The following AGTPBP1 variants were observed in gnomAD, a reference collection of about 807,000 sequenced individuals.
AGTPBP1 encodes cytosolic carboxypeptidase 1.
In AGTPBP1, 70 loss-of-function variants were observed where a neutral mutation model predicts 143.9. The observed-to-expected ratio is 0.49, with a 90% CI of 0.40 to 0.59. The LOEUF (loss-of-function observed/expected upper bound fraction) is 0.59. Among genes scored for constraint, AGTPBP1 ranks in the 20% least tolerant of loss-of-function variants. AGTPBP1 has a pLI of 0.00. For missense variants in AGTPBP1, 1,229 were observed against 1,464.5 expected (o/e 0.84, Z 2.62); for synonymous variants, 463 against 500.2 (o/e 0.93, Z 0.99).
At chr9:85,741,956 T>G (rs1355485734), upstream of AGTPBP1, 11 of 1,260,430 alleles carry the variant, frequency 8.7e-6, no homozygotes, top group African/African-American at 7.8e-5. Flanking sequence ...GCGGAACCTG[T>G]CCGCATCCCG....
intron 1 of AGTPBP1, among the ~76,000 whole-genome samples, chr9:85,721,141 C>T (rs982585007): frequency 4.6e-5 from 7 of 152,110 alleles, no homozygotes; most frequent in Admixed American, 6.6e-5. Context: ...ATGTATATTC[C>T]GTTGATTTGG....
the AGTPBP1 span, among the ~76,000 whole-genome samples, chr9:85,800,807 T>TG: frequency 1.4e-5 from 2 of 144,606 alleles, no homozygotes; most frequent in South Asian, 2.3e-4. Context: ...TTTAGAATGG[T>TG]TGTGTGTGTG....
the AGTPBP1 span, among the ~76,000 whole-genome samples, chr9:85,790,220 T>C: frequency 1.3e-5 from 2 of 152,188 alleles, no homozygotes; most frequent in African/African-American, 4.8e-5. Flanking sequence ...GCATTGGGCA[T>C]GTAGTACTTT....
chr9:85,596,597 G>T, intron 17 of AGTPBP1, 148 bp from the exon 18 acceptor site: 1 of 551,812 alleles, frequency 1.8e-6, no homozygotes, highest in East Asian at 3.0e-5. Context: ...AAAATCTGAT[G>T]CATTTCTTAA....
chr9:85,762,039 G>A, the AGTPBP1 span, among the ~76,000 whole-genome samples: 6 of 152,022 alleles, frequency 3.9e-5, no homozygotes, highest in African/African-American at 7.3e-5. Flanking sequence ...ATCACTGGTC[G>A]TCAGAGAAAT....
chr9:85,711,031 T>C (rs968925889), intron 2 of AGTPBP1, among the ~76,000 whole-genome samples: 1 of 152,222 alleles, frequency 6.6e-6, no homozygotes, highest in Admixed American at 6.5e-5. Context: ...GAATAAATCT[T>C]ATCTAAACAG....
chr9:85,609,302 T>G (rs1830173048), intron 17 of AGTPBP1, among the ~76,000 whole-genome samples: 1 of 151,668 alleles, frequency 6.6e-6, no homozygotes, highest in Non-Finnish European at 1.5e-5. Flanking sequence ...TTTTTTTTTT[T>G]TTTTTGAGAT....
chr9:85,671,116 C>CT (rs759666236), intron 7 of AGTPBP1, among the ~76,000 whole-genome samples: 2,653 of 144,028 alleles, frequency 0.018, 40 homozygotes, highest in Non-Finnish European at 0.029. Context: ...CAATTTTTTC[C>CT]TTTTTTTTTT....
intron 13 of AGTPBP1, among the ~76,000 whole-genome samples, chr9:85,639,590 T>C (rs1218131445): frequency 6.6e-6 from 1 of 152,234 alleles, no homozygotes; most frequent in Non-Finnish European, 1.5e-5. Context: ...AAGGACTACC[T>C]ATATAAAACT....
At chr9:85,750,279 C>T in the AGTPBP1 span, among the ~76,000 whole-genome samples, 23 of 152,166 alleles carry the variant, frequency 1.5e-4, no homozygotes, top group South Asian at 2.1e-4. Flanking sequence ...CTAGGGCTAT[C>T]ACAGGGGCTA....
Position 85,599,845 on chromosome 9 carries a change from A to C in AGTPBP1, c.2336-3396T>G, listed in dbSNP as rs1021727165. On this transcript the variant is annotated intron_variant, in intron 17 of 25. Coordinates refer to ENST00000357081, the MANE Select transcript of AGTPBP1 (RefSeq NM_001330701.2). ...TCCAGTGCTATAGATGAACAGTCCA[A>C]TACTAGTTTAATTTTTTAAATATGC... Among the ~76,000 whole-genome samples, 3 of 152,232 alleles carry C rather than the reference A, an allele frequency of 2.0e-5. No individual in the cohort carries two copies. In the East Asian group the frequency reaches 5.8e-4, roughly 29 times the overall value.
At chr9:85,615,231 CTAATT>C (rs1157222983) in intron 17 of AGTPBP1, among the ~76,000 whole-genome samples, 4 of 152,186 alleles carry the variant, frequency 2.6e-5, no homozygotes, top group African/African-American at 7.2e-5. Flanking sequence ...AAAGGCTGAA[CTAATT>C]TAATACTTCA....
chr9:85,741,563 A>T (rs943992140), intron 1 of AGTPBP1: 2 of 985,304 alleles, frequency 2.0e-6, no homozygotes, highest in African/African-American at 3.5e-5. Flanking sequence ...ACCCAGTCAA[A>T]GCCCCACCCC....
intron 17 of AGTPBP1, among the ~76,000 whole-genome samples, chr9:85,605,079 G>T (rs578076660): frequency 6.7e-4 from 102 of 152,230 alleles, no homozygotes; most frequent in African/African-American, 1.4e-3. Context: ...TATTCAAAGG[G>T]ATAATACCAG....
upstream of AGTPBP1, among the ~76,000 whole-genome samples, chr9:85,744,333 C>T (rs1824558536): frequency 6.6e-6 from 1 of 152,236 alleles, no homozygotes; most frequent in Non-Finnish European, 1.5e-5. Context: ...AGTTAATAAA[C>T]ATCATCTATG....
intron 25 of AGTPBP1, among the ~76,000 whole-genome samples, chr9:85,569,103 A>G (rs1020026705): frequency 2.6e-5 from 4 of 152,198 alleles, no homozygotes; most frequent in African/African-American, 9.7e-5. Context: ...TGCTCAGAGG[A>G]AAGTTTATGA....
chr9:85,740,561 G>A (rs1824187619), intron 1 of AGTPBP1, among the ~76,000 whole-genome samples: 1 of 151,944 alleles, frequency 6.6e-6, no homozygotes, highest in Non-Finnish European at 1.5e-5. Flanking sequence ...TTCTTTTTTG[G>A]CCTACTGAAC....
chr9:85,774,323 G>C, the AGTPBP1 span, among the ~76,000 whole-genome samples: 1 of 152,020 alleles, frequency 6.6e-6, no homozygotes, highest in African/African-American at 2.4e-5. Context: ...GTAGAAATGT[G>C]GGATTGATTC....
chr9:85,804,903 C>A, the AGTPBP1 span, among the ~76,000 whole-genome samples: 1 of 152,176 alleles, frequency 6.6e-6, no homozygotes, highest in Non-Finnish European at 1.5e-5. Flanking sequence ...TTGCAGGGAA[C>A]CCAAGCTACC....
Sources: gnomAD v4.1 joint callset for allele counts (sites outside exome capture counted in the v4.1 genomes callset) on GRCh38, gnomAD v4.1.1 for gene constraint, MANE v1.5 for transcripts, NCBI Gene and HGNC (gene_info 2026-07-23, HGNC 2026-07-21) for gene names.